The following PTER variants were observed in gnomAD, a reference collection of about 807,000 sequenced individuals.
PTER encodes phosphotriesterase related.
Under a neutral mutation model 29.6 loss-of-function variants are expected in PTER, and 38 were observed. The observed-to-expected ratio is 1.28, with a 90% confidence interval of 0.99 to 1.68. The LOEUF is 1.68. Among genes scored for constraint, PTER ranks in the 40% most tolerant of loss-of-function variants. The pLI, the probability that PTER is intolerant of heterozygous loss-of-function variation, is 0.00. For missense variants in PTER, 482 were observed against 427.8 expected, an observed-to-expected ratio of 1.13 and a Z score of -1.12; for synonymous variants, 172 against 154.5, an observed-to-expected ratio of 1.11 and a Z score of -0.84.
intron 1 of PTER, among the ~76,000 whole-genome samples, chr10:16,457,627 T>A (rs542595395): frequency 6.6e-6 from 1 of 151,512 alleles, no homozygotes; most frequent in Non-Finnish European, 1.5e-5. Flanking sequence ...TGAGAAAGAG[T>A]CTCACTCTGT....
chr10:16,471,960 T>G (rs1483860208), intron 1 of PTER, among the ~76,000 whole-genome samples: 1 of 152,222 alleles, frequency 6.6e-6, no homozygotes, highest in East Asian at 1.9e-4. Flanking sequence ...AAATTTGCAC[T>G]TTTGCCAGCG....
rs566159516 is a variant in PTER at position 16,470,415 on chromosome 10, T to C, written c.-48-13922T>C. On this transcript the variant is annotated intron_variant, in intron 1 of 4. Coordinates refer to ENST00000535784, the MANE Select transcript of PTER (RefSeq NM_001261836.2). ...ACACTTATTAACTGCTTAATACATA[T>C]TTATCAAATCCATAGTAACTTTTTA... 5.2e-4 allele frequency among the ~76,000 whole-genome samples: 79 copies of C among 152,356 alleles called. No homozygotes were observed. In the South Asian group the frequency reaches 0.016, roughly 32 times the overall value.
At chr10:16,457,986 T>G (rs1009453505) in intron 1 of PTER, among the ~76,000 whole-genome samples, 15 of 152,236 alleles carry the variant, frequency 9.9e-5, no homozygotes, top group African/African-American at 3.6e-4. Flanking sequence ...TAAACCTGAT[T>G]AAATTGCAAA....
chr10:16,507,950 T>C lies in PTER; in HGVS notation c.839+2790T>C, dbSNP rs115517169. The stretch of plus-strand genomic sequence containing the variant: ...GGAGACTATTCCTTGCCTAAGGGCA[T>C]CTGGAATTTAAAATAGTGCAGTGCA... On this transcript the variant is annotated intron_variant, in intron 4 of 4. Transcript: ENST00000535784. 7.0e-3 allele frequency among the ~76,000 whole-genome samples: 1,073 copies of C among 152,352 alleles called. 10 individuals are homozygous for C. The highest frequency in any genetic ancestry group is 0.024 in the African/African-American group (1,017 of 41,572).
Position 16,484,462 on chromosome 10 carries a change from T to C in PTER, c.78T>C (p.His26=). The stretch of plus-strand genomic sequence containing the variant: ...GCAAACTGGGCCGTACCCTGACCCA[T>C]GAACACCTGGCCATGACCTTTGACT... The part of the protein sequence containing the change: ...EPSKLGRTLT[H]EHLAMTFDCC... Residue 26 remains histidine (H), a synonymous_variant, in exon 2 of 5, where the codon CAT becomes CAC. Transcript: ENST00000535784. The C allele has an allele frequency of 6.2e-7, 1 of 1,614,126 alleles. No homozygotes were observed. Among genetic ancestry groups the C allele is most frequent in the South Asian group, 1.1e-5 (1 of 91,070 alleles).
chr10:16,469,254 A>AT (rs1452537415), intron 1 of PTER, among the ~76,000 whole-genome samples: 3 of 152,162 alleles, frequency 2.0e-5, no homozygotes, highest in African/African-American at 7.2e-5. Context: ...AGGGGAGAAG[A>AT]TAAAAAGTCC....
intron 1 of PTER, among the ~76,000 whole-genome samples, chr10:16,466,659 T>C (rs757940541): frequency 3.3e-5 from 5 of 152,184 alleles, no homozygotes; most frequent in African/African-American, 4.8e-5. Flanking sequence ...CCTGGCCTGA[T>C]TCTTTTCAAC....
At chr10:16,447,372 A>G (rs1834054550) in intron 1 of PTER, among the ~76,000 whole-genome samples, 1 of 152,012 alleles carries the variant, frequency 6.6e-6, no homozygotes, top group South Asian at 2.1e-4. Context: ...AAGTGCTAAG[A>G]TTACAGGTGT....
chr10:16,516,799 T>C (rs1215398911), downstream of PTER, among the ~76,000 whole-genome samples: 2 of 152,230 alleles, frequency 1.3e-5, no homozygotes, highest in East Asian at 3.8e-4. Context: ...TTAGAGTGAT[T>C]CCACAGACTG....
At chr10:16,447,106 T>C (rs200858476) in intron 1 of PTER, among the ~76,000 whole-genome samples, 20 of 127,584 alleles carry the variant, frequency 1.6e-4, no homozygotes, top group African/African-American at 2.7e-4. Context: ...CTTTTCTTTT[T>C]TTTTTTTTTT....
intron 1 of PTER, among the ~76,000 whole-genome samples, chr10:16,457,247 C>G (rs767976443): frequency 1.3e-5 from 2 of 152,098 alleles, no homozygotes; most frequent in Non-Finnish European, 2.9e-5. Context: ...GAGTCTCACT[C>G]TGTTGCCCAG....
intron 3 of PTER, among the ~76,000 whole-genome samples, chr10:16,498,233 T>TAC (rs1187924506): frequency 2.0e-5 from 3 of 152,112 alleles, no homozygotes; most frequent in Admixed American, 6.5e-5. Flanking sequence ...AAGTGAAAAA[T>TAC]ACCGACCTTA....
chr10:16,466,256 A>G (rs1005960409), intron 1 of PTER, among the ~76,000 whole-genome samples: 1 of 151,418 alleles, frequency 6.6e-6, no homozygotes, highest in Admixed American at 6.6e-5. Flanking sequence ...AAAGTCTCTG[A>G]GCTCCCTGCT....
At chr10:16,467,272 A>G (rs1834870473) in intron 1 of PTER, among the ~76,000 whole-genome samples, 1 of 152,278 alleles carries the variant, frequency 6.6e-6, no homozygotes, top group East Asian at 1.9e-4. Context: ...ATTGTTGCTA[A>G]TCTTTTACTG....
chr10:16,481,510 A>G (rs908644111), intron 1 of PTER, among the ~76,000 whole-genome samples: 6 of 152,208 alleles, frequency 3.9e-5, no homozygotes, highest in East Asian at 1.9e-4. Flanking sequence ...GCTTAGAGCA[A>G]TGTTGGCTAC....
At chr10:16,440,522 C>T (rs1335838775) in intron 1 of PTER, among the ~76,000 whole-genome samples, 4 of 152,224 alleles carry the variant, frequency 2.6e-5, no homozygotes, top group Admixed American at 6.5e-5. Context: ...ACAAATACCT[C>T]TGTGCCTGCT....
chr10:16,477,294 A>AGATAGATAGATAGATAGATG (rs1240009767), intron 1 of PTER, among the ~76,000 whole-genome samples: 1 of 134,054 alleles, frequency 7.5e-6, no homozygotes, highest in Non-Finnish European at 1.6e-5. Context: ...ATAGATAGAT[A>AGATAGATAGATAGATAGATG]GATAGATGGA....
chr10:16,499,450 A>G (rs1027552571), intron 3 of PTER, among the ~76,000 whole-genome samples: 1 of 143,234 alleles, frequency 7.0e-6, no homozygotes, highest in African/African-American at 2.8e-5. Context: ...ATTTATTTAT[A>G]TTTTGGAGAC....
At chr10:16,518,615 T>C (rs78647551), downstream of PTER, among the ~76,000 whole-genome samples, 1 of 152,220 alleles carries the variant, frequency 6.6e-6, no homozygotes, top group Non-Finnish European at 1.5e-5. Flanking sequence ...GACATCAACA[T>C]TTAAACTAAT....
Sources: allele counts gnomAD v4.1 joint callset (sites outside exome capture counted in the v4.1 genomes callset), GRCh38; gene constraint gnomAD v4.1.1; transcripts MANE v1.5; gene names NCBI Gene and HGNC (gene_info 2026-07-23, HGNC 2026-07-21).